FNDC7: variants seen among roughly 807,000 people sequenced by gnomAD.
FNDC7 encodes fibronectin type III domain containing 7, also known as fibronectin type III domain-containing protein 7.
A neutral mutation model predicts 74.2 loss-of-function variants in FNDC7; 66 were observed. That is an observed-to-expected ratio of 0.89 (90% CI 0.73 to 1.09). The LOEUF (loss-of-function observed/expected upper bound fraction) is 1.09. FNDC7 is among the 50% of genes least tolerant of loss of function. The pLI, the probability that FNDC7 is intolerant of heterozygous loss-of-function variation, is 0.00. For synonymous variants in FNDC7, 307 were observed against 330.2 expected, an observed-to-expected ratio of 0.93 and a Z score of 0.76; for missense variants, 829 against 893.4, an observed-to-expected ratio of 0.93 and a Z score of 0.92.
At chr1:108,718,235 T>C (rs923950351) in intron 3 of FNDC7, among the ~76,000 whole-genome samples, 2 of 152,250 alleles carry the variant, frequency 1.3e-5, no homozygotes, top group African/African-American at 4.8e-5. Context: ...TGCTTTGCTT[T>C]GGAAAATAAA....
intron 8 of FNDC7, among the ~76,000 whole-genome samples, chr1:108,729,989 T>C (rs1661307086): frequency 6.6e-6 from 1 of 152,202 alleles, no homozygotes; most frequent in African/African-American, 2.4e-5. Context: ...ACTATGAAAT[T>C]TTCAAGAAAG....
chr1:108,712,969 T>C lies in FNDC7; in HGVS notation c.36T>C (p.Ile12=). The change falls in exon 1 of 13, where the codon ATT becomes ATC. Residue 12 remains isoleucine (I), a synonymous_variant. Transcript: ENST00000370017. The stretch of plus-strand genomic sequence containing the variant: ...GACGAGAGACATGTTTGCCTTTGAT[T>C]GGATTCATTCTTATCTGTCTTAAAA... ...AGGRETCLPL[I]GFILICLKMV... The C allele has an allele frequency of 1.3e-5, 20 of 1,551,756 alleles. No homozygotes were observed. The highest frequency in any genetic ancestry group is 1.7e-5 in the Non-Finnish European group (20 of 1,146,994).
At position 108,733,455 on chromosome 1, in the gene FNDC7, A is replaced by T; in HGVS notation, c.2063A>T (p.Asp688Val). Residue 688 changes from aspartate (D) to valine (V), a missense_variant, in exon 10 of 13, where the codon GAT (aspartate) becomes GTT (valine). By Grantham distance (152) the Asp-to-Val change is radical. Coordinates refer to ENST00000370017, the MANE Select transcript of FNDC7 (RefSeq NM_001144937.3). ...FCDVTEIPCG[D>V]VYTVMVSPVA... ...GATGTCACTGAGATACCCTGTGGGG[A>T]TGTATACACTGTGATGGTCTCACCA... is the stretch of plus-strand genomic sequence containing the variant. 6.2e-7 allele frequency: 1 copy of T among 1,614,124 alleles called. No individual in the cohort carries two copies. The highest frequency in any genetic ancestry group is 8.5e-7 in the Non-Finnish European group (1 of 1,180,016).
At chr1:108,728,300 A>G (rs755163542) in intron 7 of FNDC7, among the ~76,000 whole-genome samples, 12 of 152,212 alleles carry the variant, frequency 7.9e-5, no homozygotes, top group Non-Finnish European at 1.3e-4. Flanking sequence ...GGTTTTGCCC[A>G]TGATGACTTC....
chr1:108,713,669 A>C, intron 2 of FNDC7, 140 bp downstream of exon 2: 9 of 691,090 alleles, frequency 1.3e-5, no homozygotes, highest in Non-Finnish European at 1.9e-5. Context: ...ACTGGGTGCT[A>C]AGCACTCTAT....
At position 108,725,741 on chromosome 1, in the gene FNDC7, A is replaced by G; in HGVS notation, c.857-9A>G. The G allele has an allele frequency of 1.2e-6, 2 of 1,611,380 alleles. No individual in the cohort carries two copies. The highest frequency in any genetic ancestry group is 4.5e-5 in the East Asian group (2 of 44,840). On this transcript the variant is annotated splice_polypyrimidine_tract_variant and intron_variant, in intron 5 of 12. Coordinates refer to ENST00000370017, the MANE Select transcript of FNDC7 (RefSeq NM_001144937.3). ...AGTAGTCTCATGTTTATTATTGATC[A>G]TTTCCTAGTTGCTTGTGCACCCGGA...
At chr1:108,713,436 CT>C in intron 1 of FNDC7, 74 bp from the exon 2 acceptor site, 1 of 1,242,528 alleles carries the variant, frequency 8.0e-7, no homozygotes, top group South Asian at 1.3e-5. Context: ...TTTATTACCG[CT>C]TTTATTCATG....
In FNDC7 at chr1:108,717,954, C is replaced by T. The variant is rs750978657; in HGVS notation, c.260C>T (p.Thr87Ile). The change falls in exon 3 of 13, where the codon ACC becomes ATC. Residue 87 changes from threonine to isoleucine, a missense_variant. Coordinates refer to ENST00000370017, the MANE Select transcript of FNDC7 (RefSeq NM_001144937.3). ...PGTVTGLKAA[T>I]WYEITIRSIS... ...ACTGTGACGGGACTAAAGGCTGCAA[C>T]CTGGTATGAAATCACCATCAGATCC... 6.4e-7 allele frequency: 1 copy of T among 1,551,720 alleles called. No individual in the cohort carries two copies. The highest frequency in any genetic ancestry group is 8.7e-7 in the Non-Finnish European group (1 of 1,147,006).
At chr1:108,724,557 TAG>T (rs1199886698) in intron 5 of FNDC7, among the ~76,000 whole-genome samples, 1 of 151,706 alleles carries the variant, frequency 6.6e-6, no homozygotes, top group Non-Finnish European at 1.5e-5. Context: ...AGTTCAAGAC[TAG>T]CCTGGGCAAC....
chr1:108,718,638 A>C, intron 3 of FNDC7, 151 bp from the exon 4 acceptor site: 1 of 818,944 alleles, frequency 1.2e-6, no homozygotes, highest in Non-Finnish European at 1.9e-6. Flanking sequence ...TATACACTTA[A>C]ATAGCAATTA....
intron 7 of FNDC7, 133 bp downstream of exon 7, chr1:108,728,198 GC>G: frequency 8.6e-7 from 1 of 1,166,088 alleles, no homozygotes; most frequent in Non-Finnish European, 1.2e-6. Flanking sequence ...GACCAAGAGA[GC>G]CCCCGTTGTA....
At chr1:108,723,812 T>C (rs1394677246) in intron 5 of FNDC7, among the ~76,000 whole-genome samples, 3 of 152,202 alleles carry the variant, frequency 2.0e-5, no homozygotes, top group African/African-American at 7.2e-5. Flanking sequence ...AGGTCCCACT[T>C]AAGACCAACT....
At chr1:108,719,757 AG>A (rs1661057320) in intron 4 of FNDC7, among the ~76,000 whole-genome samples, 1 of 150,758 alleles carries the variant, frequency 6.6e-6, no homozygotes, top group Non-Finnish European at 1.5e-5. Context: ...AGAGAGAGAG[AG>A]AGAGAGAGAG....
chr1:108,713,584 T>C, intron 2 of FNDC7, 55 bp downstream of exon 2: 1 of 1,462,296 alleles, frequency 6.8e-7, no homozygotes, highest in Non-Finnish European at 9.3e-7. Flanking sequence ...TTAATTTCCA[T>C]TGTTAATTCA....
At chr1:108,718,332 A>G (rs757816784) in intron 3 of FNDC7, among the ~76,000 whole-genome samples, 18 of 152,218 alleles carry the variant, frequency 1.2e-4, no homozygotes, top group South Asian at 2.1e-4. Flanking sequence ...AATGAAGAAC[A>G]CAGAGAAGGG....
chr1:108,741,395 C>T (rs1246458513), intron 11 of FNDC7, among the ~76,000 whole-genome samples: 2 of 152,114 alleles, frequency 1.3e-5, no homozygotes, highest in Admixed American at 1.3e-4. Context: ...CTGTGACATA[C>T]TTAGCAGCTA....
chr1:108,725,503 T>C (rs992752396), intron 5 of FNDC7, among the ~76,000 whole-genome samples: 43 of 152,222 alleles, frequency 2.8e-4, no homozygotes, highest in Non-Finnish European at 2.8e-4. Context: ...ATATTTCATA[T>C]AACAAGAGAA....
chr1:108,716,320 G>GGT (rs141850435), intron 2 of FNDC7, among the ~76,000 whole-genome samples: 10,383 of 95,262 alleles, frequency 0.11, 475 homozygotes, highest in Middle Eastern at 0.13. Context: ...GCAGAAGAGA[G>GGT]GTGTGTGTGT....
Position 108,728,855 on chromosome 1 carries a change from C to T in FNDC7, c.1593C>T (p.Ser531=), listed in dbSNP as rs1418383956. The T allele has an allele frequency of 3.1e-6, 5 of 1,614,088 alleles. No individual in the cohort carries two copies. Among genetic ancestry groups the T allele is most frequent in the Non-Finnish European group, 4.2e-6 (5 of 1,180,040 alleles). ...TAVAETQAGR[S]LPSYSVPLET... ...TGGCCGAAACACAGGCAGGACGGAG[C>T]CTGCCCAGCTACAGTGTGCCCCTGG... Residue 531 remains serine, a synonymous_variant, in exon 8 of 13, where the codon AGC becomes AGT. Transcript: ENST00000370017.
Sources: allele counts gnomAD v4.1 joint callset (sites outside exome capture counted in the v4.1 genomes callset), GRCh38; gene constraint gnomAD v4.1.1; transcripts MANE v1.5; gene names NCBI Gene and HGNC (gene_info 2026-07-23, HGNC 2026-07-21).